Variants in PRKCI observed in about 807,000 individuals in gnomAD.
The protein encoded by PRKCI is protein kinase C iota type.
A neutral mutation model predicts 84.0 loss-of-function variants in PRKCI; 43 were observed. That is an observed-to-expected ratio of 0.51 (90% CI 0.40 to 0.66). PRKCI has a LOEUF of 0.66. Among genes scored for constraint, PRKCI ranks in the 30% least tolerant of loss-of-function variants. The pLI, the probability that PRKCI is intolerant of heterozygous loss-of-function variation, is 0.00. For missense variants in PRKCI, 459 were observed against 745.6 expected (o/e 0.62, Z 4.48); for synonymous variants, 216 against 234.4 (o/e 0.92, Z 0.72).
At chr3:170,280,727 G>A (rs532236253) in intron 9 of PRKCI, among the ~76,000 whole-genome samples, 1 of 152,232 alleles carries the variant, frequency 6.6e-6, no homozygotes, top group South Asian at 2.1e-4. Flanking sequence ...TAGGAATATA[G>A]GCGTGAGCCA....
chr3:170,261,611 G>C (rs1733730503), intron 3 of PRKCI, among the ~76,000 whole-genome samples: 1 of 151,990 alleles, frequency 6.6e-6, no homozygotes, highest in African/African-American at 2.4e-5. Context: ...AGCCTCCAAA[G>C]TACTTGGGAT....
chr3:170,301,714 CA>C (rs1734824296), intron 17 of PRKCI, among the ~76,000 whole-genome samples: 1 of 152,160 alleles, frequency 6.6e-6, no homozygotes, highest in South Asian at 2.1e-4. Flanking sequence ...GTTCAGGCCT[CA>C]TTCAAGTCAT....
rs754827229 is a variant in PRKCI, at chr3:170,281,868, C to T, written c.981-14C>T. The T allele has an allele frequency of 6.3e-7, 1 of 1,581,746 alleles. No homozygotes were observed. On this transcript the variant is annotated splice_polypyrimidine_tract_variant and intron_variant, in intron 10 of 17. Transcript: ENST00000295797. ...TTTGGATCTTGATTTCATGGGTTCT[C>T]TCCTGTGTTTTAGATTGTTCTTTGT...
In PRKCI at chr3:170,280,416, T is replaced by C. The variant is rs1734212934; in HGVS notation, c.882+13T>C. 8.8e-6 allele frequency: 14 copies of C among 1,597,284 alleles called. No individual in the cohort carries two copies. Among genetic ancestry groups the C allele is most frequent in the Non-Finnish European group, 1.2e-5 (14 of 1,171,462 alleles). On this transcript the variant is annotated intron_variant, in intron 9 of 17. Transcript: ENST00000295797. ...TAATGATGATGAGGTAAGCACTGCA[T>C]ATTTTATTGCTTCTAAACTGCTTGA... is the stretch of plus-strand genomic sequence containing the variant.
intron 15 of PRKCI, among the ~76,000 whole-genome samples, chr3:170,297,038 C>A (rs112643749): frequency 0.029 from 4,443 of 152,290 alleles, 166 homozygotes; most frequent in South Asian, 0.11. Flanking sequence ...TTCTGCTGTT[C>A]TCTTTTTCCT....
chr3:170,295,439 T>C (rs1466989733), intron 14 of PRKCI, among the ~76,000 whole-genome samples: 2 of 151,878 alleles, frequency 1.3e-5, no homozygotes, highest in Admixed American at 1.3e-4. Context: ...GAGGCTGAGG[T>C]GGGCGGATCA....
intron 2 of PRKCI, among the ~76,000 whole-genome samples, chr3:170,256,747 G>A (rs1318783303): frequency 1.3e-5 from 2 of 152,044 alleles, no homozygotes; most frequent in African/African-American, 4.8e-5. Flanking sequence ...TCTTTAAGAT[G>A]CATCATTAGT....
chr3:170,228,618 C>T (rs186223270), intron 1 of PRKCI, among the ~76,000 whole-genome samples: 3,445 of 98,042 alleles, frequency 0.035, 63 homozygotes, highest in East Asian at 0.13. Context: ...TATATATATA[C>T]ACACACACAC....
intron 12 of PRKCI, among the ~76,000 whole-genome samples, chr3:170,290,092 G>A (rs1361198796): frequency 6.6e-6 from 1 of 151,886 alleles, no homozygotes; most frequent in African/African-American, 2.4e-5. Context: ...AAAAAGGAAG[G>A]CTTGAGTTTT....
intron 2 of PRKCI, among the ~76,000 whole-genome samples, chr3:170,259,358 G>A (rs1344614922): frequency 1.3e-5 from 2 of 151,808 alleles, no homozygotes; most frequent in East Asian, 3.9e-4. Flanking sequence ...GTGACAGAGT[G>A]AGACCCTGTC....
At chr3:170,225,788 T>C (rs1305153122) in intron 1 of PRKCI, among the ~76,000 whole-genome samples, 2 of 152,154 alleles carry the variant, frequency 1.3e-5, no homozygotes, top group South Asian at 2.1e-4. Context: ...GTGAAAAAAT[T>C]GCCCTCTCTT....
At chr3:170,302,193 C>T (rs77151431) in intron 17 of PRKCI, among the ~76,000 whole-genome samples, 2,266 of 152,332 alleles carry the variant, frequency 0.015, 61 homozygotes, top group African/African-American at 0.052. Context: ...TAACACACTT[C>T]TATTCCTGTG....
At chr3:170,264,154 TAACA>T (rs1478319657) in intron 4 of PRKCI, among the ~76,000 whole-genome samples, 6 of 152,010 alleles carry the variant, frequency 3.9e-5, no homozygotes, top group Non-Finnish European at 8.8e-5. Flanking sequence ...CAGTTATACA[TAACA>T]AACACATTTT....
intron 7 of PRKCI, 59 bp from the exon 8 acceptor site, chr3:170,275,170 G>A (rs1049402207): frequency 4.2e-5 from 55 of 1,316,550 alleles, no homozygotes; most frequent in Non-Finnish European, 5.1e-5. Flanking sequence ...AATGGTTGCT[G>A]TTTTTTTCTC....
chr3:170,247,585 C>T (rs1038093375), intron 2 of PRKCI, among the ~76,000 whole-genome samples: 4 of 151,502 alleles, frequency 2.6e-5, no homozygotes, highest in African/African-American at 9.7e-5. Flanking sequence ...ACAAAATTAG[C>T]TGGGTGTGGT....
chr3:170,249,296 T>C (rs1277199764), intron 2 of PRKCI, among the ~76,000 whole-genome samples: 2 of 151,860 alleles, frequency 1.3e-5, no homozygotes, highest in Admixed American at 6.6e-5. Flanking sequence ...AGCCAGCGAG[T>C]CTAGGGAAAT....
intron 3 of PRKCI, among the ~76,000 whole-genome samples, chr3:170,261,454 TTTTTTA>T (rs1185218067): frequency 1.4e-5 from 2 of 142,644 alleles, no homozygotes; most frequent in Middle Eastern, 3.4e-3. Context: ...ACAGTGTTTT[TTTTTTA>T]AAAAAAAAAA....
intron 12 of PRKCI, among the ~76,000 whole-genome samples, chr3:170,285,644 G>C (rs564700990): frequency 1.7e-4 from 26 of 152,134 alleles, no homozygotes; most frequent in African/African-American, 6.3e-4. Flanking sequence ...TTTATTATCT[G>C]TTCAGCATGC....
chr3:170,240,655 C>T lies in PRKCI; in HGVS notation c.223+5304C>T, dbSNP rs115929723. ...TAATCATGTAGGCATTGGGGCATGTCGGTCTGATCTGGAGAAAAAAAATTC... is the reference window on the plus strand; with the variant it reads ...TAATCATGTAGGCATTGGGGCATGTTGGTCTGATCTGGAGAAAAAAAATTC... On this transcript the variant is annotated intron_variant, in intron 2 of 17. Transcript: ENST00000295797. 9.3e-3 allele frequency among the ~76,000 whole-genome samples: 1,411 copies of T among 152,254 alleles called. 24 individuals are homozygous for T. The highest frequency in any genetic ancestry group is 0.032 in the African/African-American group (1,318 of 41,556).
Sources: gnomAD v4.1 joint callset for allele counts (sites outside exome capture counted in the v4.1 genomes callset) on GRCh38, gnomAD v4.1.1 for gene constraint, MANE v1.5 for transcripts, NCBI Gene and HGNC (gene_info 2026-07-23, HGNC 2026-07-21) for gene names.